The following GPR158 variants were observed in gnomAD, a reference collection of about 807,000 sequenced individuals.
The protein encoded by GPR158 is G protein-coupled receptor 158.
GPR158 carries 30 observed loss-of-function variants against 78.2 expected under a neutral mutation model. That is an observed-to-expected ratio of 0.38 (90% CI 0.29 to 0.52). The LOEUF (loss-of-function observed/expected upper bound fraction) is 0.52, where lower values mean the gene tolerates loss of function less well. GPR158 is among the 20% of genes least tolerant of loss of function. The pLI is 0.83. For synonymous variants in GPR158, 581 were observed against 591.1 expected (o/e 0.98, Z 0.25); for missense variants, 1,463 against 1,523.5 (o/e 0.96, Z 0.66).
intron 2 of GPR158, among the ~76,000 whole-genome samples, chr10:25,312,543 A>G (rs1462864489): frequency 6.6e-6 from 1 of 152,138 alleles, no homozygotes; most frequent in East Asian, 1.9e-4. Flanking sequence ...CTGAATAACC[A>G]TAATTTATCT....
chr10:25,196,495 A>G (rs1414678942), intron 1 of GPR158, among the ~76,000 whole-genome samples: 1 of 152,186 alleles, frequency 6.6e-6, no homozygotes, highest in African/African-American at 2.4e-5. Flanking sequence ...CAGTTCTGCT[A>G]AATATGATCC....
chr10:25,189,375 G>C (rs1195344278), intron 1 of GPR158, among the ~76,000 whole-genome samples: 1 of 152,110 alleles, frequency 6.6e-6, no homozygotes, highest in African/African-American at 2.4e-5. Context: ...CAAAGACTTG[G>C]AACCAACCCA....
At chr10:25,569,275 G>A (rs1487220874) in intron 6 of GPR158, among the ~76,000 whole-genome samples, 1 of 152,064 alleles carries the variant, frequency 6.6e-6, no homozygotes, top group Non-Finnish European at 1.5e-5. Flanking sequence ...TGATAATTTG[G>A]AAATGGGATT....
At chr10:25,553,760 G>A (rs1836754491) in intron 6 of GPR158, among the ~76,000 whole-genome samples, 1 of 152,140 alleles carries the variant, frequency 6.6e-6, no homozygotes, top group African/African-American at 2.4e-5. Context: ...CTAAGCTTTT[G>A]TGATGACATG....
At chr10:25,376,428 T>C (rs1834080485) in intron 2 of GPR158, among the ~76,000 whole-genome samples, 1 of 151,644 alleles carries the variant, frequency 6.6e-6, no homozygotes, top group Admixed American at 6.6e-5. Context: ...TTTCTAATTA[T>C]CTTTCCTCTT....
intron 4 of GPR158, among the ~76,000 whole-genome samples, chr10:25,449,076 C>T (rs957030646): frequency 2.6e-5 from 4 of 152,186 alleles, no homozygotes; most frequent in African/African-American, 9.6e-5. Flanking sequence ...TATTATTACA[C>T]CAGATTGTAT....
intron 3 of GPR158, among the ~76,000 whole-genome samples, chr10:25,397,871 T>G (rs1834383397): frequency 6.6e-6 from 1 of 152,148 alleles, no homozygotes; most frequent in Non-Finnish European, 1.5e-5. Context: ...CTTTTGTGAT[T>G]ATATTATTTT....
intron 2 of GPR158, among the ~76,000 whole-genome samples, chr10:25,373,298 C>T (rs113177258): frequency 7.5e-4 from 113 of 151,622 alleles, no homozygotes; most frequent in African/African-American, 2.6e-3. Context: ...AGGTGGAGAG[C>T]GGGAAGATGG....
intron 2 of GPR158, among the ~76,000 whole-genome samples, chr10:25,257,503 C>A (rs1853905814): frequency 6.6e-6 from 1 of 152,164 alleles, no homozygotes; most frequent in Non-Finnish European, 1.5e-5. Flanking sequence ...AGTAATAATT[C>A]TGCTCTATTT....
rs58959616 is a variant in GPR158, at chr10:25,265,701, A to G, written c.1008+44544A>G. 3.7e-3 allele frequency among the ~76,000 whole-genome samples: 562 copies of G among 152,300 alleles called. 2 individuals are homozygous for G. The highest frequency in any genetic ancestry group is 0.013 in the African/African-American group (524 of 41,572). The stretch of plus-strand genomic sequence containing the variant: ...AAGACCTTTCAGTTGGCTACAAGGC[A>G]GAGGGAACAGGTACGAAAACTGGGA... On this transcript the variant is annotated intron_variant, in intron 2 of 10. Transcript: ENST00000376351.
rs199660896 is a variant in GPR158, at chr10:25,599,084, G to A, written c.3458G>A (p.Gly1153Asp). ...KTSSSEENVR[G>D]SYNSSNNFQQ... ...TCTTCTTCTGAGGAGAATGTGCGTG[G>A]CTCCTATAACTCAAGTAATAACTTC... The change falls in exon 11 of 11, where the codon GGC becomes GAC. Residue 1153 changes from glycine (G) to aspartate (D), a missense_variant. Gly to Asp is a moderately conservative substitution (Grantham distance 94, BLOSUM62 -1). Transcript: ENST00000376351. 7.7e-5 allele frequency: 124 copies of A among 1,613,142 alleles called. 1 individual carries two copies. The Middle Eastern group carries it at 8.2e-4, about 11-fold the overall frequency.
chr10:25,448,502 T>C, intron 4 of GPR158, among the ~76,000 whole-genome samples: 1 of 152,234 alleles, frequency 6.6e-6, no homozygotes, highest in Non-Finnish European at 1.5e-5. Flanking sequence ...ATGTAATTTG[T>C]GCCTCTCTTT....
At position 25,241,372 on chromosome 10, in the gene GPR158, C is replaced by CTCTTTTCTCTTCTCTTCTCTTCTCT. The variant is rs1554787300; in HGVS notation, c.1008+20218_1008+20219insTTTCTCTTCTCTTCTCTTCTCTTCT. Among the ~76,000 whole-genome samples the CTCTTTTCTCTTCTCTTCTCTTCTCT allele has an allele frequency of 7.5e-4, 77 of 102,948 alleles. 2 individuals carry two copies. The highest frequency in any genetic ancestry group is 4.2e-3 in the African/African-American group (76 of 18,088). The allele number at this position is 102,948 out of a possible 152,430, so 67.5% of individuals were successfully genotyped here. ...TCTCTTTTCTTTTCTCTTTTCTTTT[C>CTCTTTTCTCTTCTCTTCTCTTCTCT]TCTCTTCTCTTCTCTTCTCTTCTCT... On this transcript the variant is annotated intron_variant, in intron 2 of 10. Transcript: ENST00000376351.
chr10:25,580,661 T>C (rs1322418088), intron 7 of GPR158, among the ~76,000 whole-genome samples: 1 of 152,230 alleles, frequency 6.6e-6, no homozygotes, highest in Non-Finnish European at 1.5e-5. Flanking sequence ...CATTTTCTTT[T>C]ATTCCAATAT....
At chr10:25,522,094 C>G (rs545769025) in intron 5 of GPR158, among the ~76,000 whole-genome samples, 1 of 152,292 alleles carries the variant, frequency 6.6e-6, no homozygotes, top group East Asian at 1.9e-4. Context: ...AGTTATAATT[C>G]TGGTGTAGCC....
At chr10:25,461,695 A>G (rs1835360092) in intron 4 of GPR158, among the ~76,000 whole-genome samples, 1 of 152,044 alleles carries the variant, frequency 6.6e-6, no homozygotes, top group African/African-American at 2.4e-5. Context: ...TATTGATGAA[A>G]TAGCCCTCTA....
chr10:25,267,477 GA>G (rs1854058749), intron 2 of GPR158, among the ~76,000 whole-genome samples: 1 of 152,176 alleles, frequency 6.6e-6, no homozygotes, highest in Admixed American at 6.5e-5. Context: ...CGACATGTGG[GA>G]ATTATGGGAA....
At chr10:25,180,104 G>C (rs373214256) in intron 1 of GPR158, among the ~76,000 whole-genome samples, 5 of 152,072 alleles carry the variant, frequency 3.3e-5, no homozygotes, top group African/African-American at 1.2e-4. Flanking sequence ...ATTAATTCTC[G>C]ATGAGCCTGA....
At chr10:25,588,442 G>A (rs747928757) in intron 7 of GPR158, among the ~76,000 whole-genome samples, 1 of 152,206 alleles carries the variant, frequency 6.6e-6, no homozygotes, top group African/African-American at 2.4e-5. Flanking sequence ...TCAACCCACA[G>A]AAGACATGAT....
Sources: gnomAD v4.1 joint callset for allele counts (sites outside exome capture counted in the v4.1 genomes callset) on GRCh38, gnomAD v4.1.1 for gene constraint, MANE v1.5 for transcripts, NCBI Gene and HGNC (gene_info 2026-07-23, HGNC 2026-07-21) for gene names.